SLCO1B1: variants seen among roughly 807,000 people sequenced by gnomAD.
SLCO1B1 encodes the protein solute carrier organic anion transporter family member 1B1.
Under a neutral mutation model 70.1 loss-of-function variants are expected in SLCO1B1, and 81 were observed. The observed-to-expected ratio is 1.16, with a 90% confidence interval of 0.97 to 1.39. The LOEUF (loss-of-function observed/expected upper bound fraction) is 1.39, where lower values mean the gene tolerates loss of function less well. Ranked by LOEUF, SLCO1B1 falls within the 40% of genes most tolerant of loss-of-function variation. The pLI is 0.00. For missense variants in SLCO1B1, 895 were observed against 799.6 expected, an observed-to-expected ratio of 1.12 and a Z score of -1.44; for synonymous variants, 283 against 271.5, an observed-to-expected ratio of 1.04 and a Z score of -0.42.
chr12:21,224,279 TA>T (rs4149105), intron 13 of SLCO1B1, among the ~76,000 whole-genome samples: 4,562 of 142,962 alleles, frequency 0.032, 201 homozygotes, highest in African/African-American at 0.1. Context: ...AAAATAATGT[TA>T]AAAAAAAAAA....
intron 11 of SLCO1B1, among the ~76,000 whole-genome samples, chr12:21,209,363 C>T (rs1275134651): frequency 6.6e-6 from 1 of 152,072 alleles, no homozygotes; most frequent in Non-Finnish European, 1.5e-5. Flanking sequence ...CCAGTTTCAT[C>T]CATGTCCCTA....
In SLCO1B1 at chr12:21,237,781, C is replaced by G. The variant is rs1013031436; in HGVS notation, c.1866-1198C>G. On this transcript the variant is annotated intron_variant, in intron 14 of 14. Coordinates refer to ENST00000256958, the MANE Select transcript of SLCO1B1 (RefSeq NM_006446.5). Reference sequence around the variant, plus strand: ...CCAGGCTGGAGTGCAATGGCATGATCTTGGCTCACTGCAACCCCCGCCTCC... The same window carrying G: ...CCAGGCTGGAGTGCAATGGCATGATGTTGGCTCACTGCAACCCCCGCCTCC... Among the ~76,000 whole-genome samples, 5 of 151,162 alleles carry G rather than the reference C, an allele frequency of 3.3e-5. No homozygotes were observed. In the South Asian group the frequency reaches 1.0e-3, roughly 32 times the overall value.
intron 14 of SLCO1B1, among the ~76,000 whole-genome samples, chr12:21,230,405 A>T (rs1056363518): frequency 5.8e-5 from 8 of 137,592 alleles, no homozygotes; most frequent in African/African-American, 1.1e-4. Flanking sequence ...ATCATGGCTC[A>T]CCGCAACCTC....
At chr12:21,144,063 A>T (rs990636464) in intron 2 of SLCO1B1, among the ~76,000 whole-genome samples, 1 of 152,088 alleles carries the variant, frequency 6.6e-6, no homozygotes, top group Admixed American at 6.6e-5. Flanking sequence ...AACTAACTAC[A>T]TTACATAGAA....
chr12:21,139,479 T>G (rs1940277303), intron 1 of SLCO1B1, among the ~76,000 whole-genome samples: 1 of 152,158 alleles, frequency 6.6e-6, no homozygotes, highest in African/African-American at 2.4e-5. Flanking sequence ...TATATGTAAG[T>G]GATAATATCC....
chr12:21,182,164 T>C (rs954411077), intron 7 of SLCO1B1, among the ~76,000 whole-genome samples: 1 of 152,132 alleles, frequency 6.6e-6, no homozygotes, highest in African/African-American at 2.4e-5. Flanking sequence ...TGCAGGGTTG[T>C]TGAACACCAG....
intron 11 of SLCO1B1, among the ~76,000 whole-genome samples, chr12:21,215,054 G>C (rs999166817): frequency 2.0e-5 from 3 of 151,876 alleles, no homozygotes; most frequent in Non-Finnish European, 4.4e-5. Context: ...GCTGTAGACC[G>C]GAGCTGTTCC....
chr12:21,182,338 A>G (rs181571475), intron 7 of SLCO1B1, among the ~76,000 whole-genome samples: 35 of 152,248 alleles, frequency 2.3e-4, no homozygotes, highest in Admixed American at 2.1e-3. Flanking sequence ...GTAGGCAGAA[A>G]TAGAACTACA....
Position 21,193,973 on chromosome 12 carries a change from A to G in SLCO1B1, c.728-2973A>G, listed in dbSNP as rs574540385. Among the ~76,000 whole-genome samples the G allele has an allele frequency of 2.5e-4, 38 of 152,062 alleles. 1 individual carries two copies. The highest frequency in any genetic ancestry group is 9.2e-4 in the African/African-American group (38 of 41,486). ...GCCTGGCTAATTTTTTTGTATTTTT[A>G]GTAGAGATGGGGTTTCACCGTGTTA... On this transcript the variant is annotated intron_variant, in intron 7 of 14. Coordinates refer to ENST00000256958, the MANE Select transcript of SLCO1B1 (RefSeq NM_006446.5).
chr12:21,207,797 C>T (rs1268069229), intron 11 of SLCO1B1, among the ~76,000 whole-genome samples: 1 of 151,820 alleles, frequency 6.6e-6, no homozygotes, highest in African/African-American at 2.4e-5. Context: ...GCAGCCTTGC[C>T]AGCGTCTGTT....
chr12:21,150,236 A>T (rs985239462), intron 2 of SLCO1B1, among the ~76,000 whole-genome samples: 1 of 152,098 alleles, frequency 6.6e-6, no homozygotes, highest in Non-Finnish European at 1.5e-5. Flanking sequence ...GGGACAGAGC[A>T]CCTGGGAGAA....
chr12:21,221,708 G>A (rs1195543195), intron 12 of SLCO1B1, among the ~76,000 whole-genome samples: 1 of 152,110 alleles, frequency 6.6e-6, no homozygotes, highest in African/African-American at 2.4e-5. Flanking sequence ...GCTACAGTGA[G>A]ATTCCATTTT....
intron 2 of SLCO1B1, among the ~76,000 whole-genome samples, chr12:21,143,607 A>G (rs1301140106): frequency 6.6e-5 from 10 of 152,052 alleles, no homozygotes; most frequent in Non-Finnish European, 1.2e-4. Context: ...AGATATAGAC[A>G]GGGCAAATGT....
chr12:21,149,923 A>G (rs1940444529), intron 2 of SLCO1B1, among the ~76,000 whole-genome samples: 1 of 152,136 alleles, frequency 6.6e-6, no homozygotes, highest in African/African-American at 2.4e-5. Flanking sequence ...TCCCACCCCC[A>G]TAGAGCCCAG....
chr12:21,179,405 G>A (rs1006712444), intron 7 of SLCO1B1, among the ~76,000 whole-genome samples: 1 of 152,134 alleles, frequency 6.6e-6, no homozygotes, highest in Non-Finnish European at 1.5e-5. Context: ...TGTGGCTGCT[G>A]CATTGATTTA....
At chr12:21,222,486 A>ATTCATTACAGT in intron 13 of SLCO1B1, 122 bp downstream of exon 13, 1 of 235,250 alleles carries the variant, frequency 4.3e-6, no homozygotes, top group Non-Finnish European at 7.8e-6. Flanking sequence ...AGGATTAAAG[A>ATTCATTACAGT]CTGTAATGAA....
intron 14 of SLCO1B1, among the ~76,000 whole-genome samples, chr12:21,228,642 C>T (rs1289799540): frequency 6.6e-6 from 1 of 152,132 alleles, no homozygotes; most frequent in Non-Finnish European, 1.5e-5. Flanking sequence ...GAGAAAGACT[C>T]AGTCTATTGT....
At chr12:21,168,084 G>A (rs1348140001) in intron 2 of SLCO1B1, among the ~76,000 whole-genome samples, 3 of 151,850 alleles carry the variant, frequency 2.0e-5, no homozygotes, top group Admixed American at 6.6e-5. Flanking sequence ...GCCTCCAAAA[G>A]TGCTGGGATT....
intron 2 of SLCO1B1, among the ~76,000 whole-genome samples, chr12:21,164,510 ATC>A (rs1400379720): frequency 1.3e-5 from 2 of 151,928 alleles, no homozygotes; most frequent in Non-Finnish European, 1.5e-5. Context: ...TTTCTAACAG[ATC>A]TCTTTTTCCT....
Sources: allele counts gnomAD v4.1 joint callset (sites outside exome capture counted in the v4.1 genomes callset), GRCh38; gene constraint gnomAD v4.1.1; transcripts MANE v1.5; gene names NCBI Gene and HGNC (gene_info 2026-07-23, HGNC 2026-07-21).